Variants in XKR6 observed in about 807,000 individuals in gnomAD.
The protein encoded by XKR6 is XK related 6.
In XKR6, 22 loss-of-function variants were observed where a neutral mutation model predicts 56.7. That is an observed-to-expected ratio of 0.39 (90% CI 0.28 to 0.55). The LOEUF is 0.55. Among genes scored for constraint, XKR6 ranks in the 20% least tolerant of loss-of-function variants. The pLI is 0.66. For synonymous variants in XKR6, 524 were observed against 387.8 expected (o/e 1.35, Z -4.13); for missense variants, 852 against 889.0 (o/e 0.96, Z 0.53).
chr8:11,191,823 T>C (rs574324340), intron 1 of XKR6, among the ~76,000 whole-genome samples: 35 of 152,098 alleles, frequency 2.3e-4, no homozygotes, highest in African/African-American at 8.4e-4. Context: ...TGGGGACAAC[T>C]AGGCAAATCT....
intron 1 of XKR6, among the ~76,000 whole-genome samples, chr8:10,953,380 G>C (rs753505894): frequency 1.2e-4 from 18 of 152,132 alleles, no homozygotes; most frequent in Non-Finnish European, 2.4e-4. Context: ...CATCTGAGAT[G>C]CCTGCTCCCC....
chr8:11,127,562 G>A (rs1015193431), intron 1 of XKR6, among the ~76,000 whole-genome samples: 2 of 152,106 alleles, frequency 1.3e-5, no homozygotes, highest in African/African-American at 4.8e-5. Context: ...TATATTCATT[G>A]GCTTGTGGCC....
intron 1 of XKR6, among the ~76,000 whole-genome samples, chr8:10,951,330 G>T (rs1801718435): frequency 7.3e-6 from 1 of 137,030 alleles, no homozygotes; most frequent in Non-Finnish European, 1.6e-5. Flanking sequence ...TGGTGACAGG[G>T]GAACGCACAC....
chr8:11,171,530 T>A (rs4840551), intron 1 of XKR6, among the ~76,000 whole-genome samples: 1 of 151,718 alleles, frequency 6.6e-6, no homozygotes, highest in African/African-American at 2.4e-5. Flanking sequence ...TATAGGGAGT[T>A]AATTCTTACT....
intron 1 of XKR6, among the ~76,000 whole-genome samples, chr8:11,030,518 C>T (rs1048251351): frequency 9.2e-5 from 14 of 152,118 alleles, no homozygotes; most frequent in Admixed American, 4.6e-4. Context: ...AGTGACAACC[C>T]GCAGCAAAAC....
intron 1 of XKR6, among the ~76,000 whole-genome samples, chr8:10,979,224 C>G (rs1797668836): frequency 6.6e-6 from 1 of 152,028 alleles, no homozygotes; most frequent in Non-Finnish European, 1.5e-5. Flanking sequence ...CCTGGAAGGG[C>G]CAGGCCCACT....
At chr8:10,942,875 G>A (rs1394517599) in intron 1 of XKR6, among the ~76,000 whole-genome samples, 1 of 152,222 alleles carries the variant, frequency 6.6e-6, no homozygotes, top group African/African-American at 2.4e-5. Context: ...TCGCATTCTT[G>A]CCTGACGCAT....
intron 1 of XKR6, among the ~76,000 whole-genome samples, chr8:11,032,141 T>G (rs1343989486): frequency 1.3e-5 from 2 of 152,182 alleles, no homozygotes; most frequent in African/African-American, 4.8e-5. Flanking sequence ...AATCTTGCCT[T>G]TGCTCATCTA....
Position 10,898,372 on chromosome 8 carries a change from T to C in XKR6, c.1506A>G (p.Gly502=). 1 of 1,613,964 alleles carries C rather than the reference T, an allele frequency of 6.2e-7. No individual in the cohort carries two copies. Residue 502 remains glycine, a synonymous_variant, in exon 3 of 3, where the codon GGA becomes GGG. Transcript: ENST00000416569. The surrounding 1 kb of genome is among the most constrained non-coding windows in gnomAD (Gnocchi z 6.6). ...AGCTGGCAAGGATCTTAGCTCGTGGTCCTGTGGGATGCAGCACGCCATAGT... is the reference window on the plus strand; with the variant it reads ...AGCTGGCAAGGATCTTAGCTCGTGGCCCTGTGGGATGCAGCACGCCATAGT... ...LLYYGVLHPT[G]PRAKILASSC... is the part of the protein sequence containing the mutation.
intron 1 of XKR6, among the ~76,000 whole-genome samples, chr8:11,079,986 T>A (rs1205058270): frequency 6.6e-6 from 1 of 151,352 alleles, no homozygotes; most frequent in African/African-American, 2.4e-5. Flanking sequence ...AATAAATAAA[T>A]ACATAAATAC....
At position 11,198,528 on chromosome 8, in the gene XKR6, A is replaced by C. The variant is rs80021908; in HGVS notation, c.764+2048T>G. 3.3e-5 allele frequency among the ~76,000 whole-genome samples: 5 copies of C among 150,380 alleles called. No individual in the cohort carries two copies. In the East Asian group the frequency reaches 9.6e-4, roughly 29 times the overall value. On this transcript the variant is annotated intron_variant, in intron 1 of 2. Coordinates refer to ENST00000416569, the MANE Select transcript of XKR6 (RefSeq NM_173683.4). ...AAAGTTAAGATCAGAAAAAAAAAAA[A>C]TACTACCCTACATACAACTACAAAA...
intron 1 of XKR6, among the ~76,000 whole-genome samples, chr8:10,955,727 T>C (rs1396409205): frequency 1.3e-5 from 2 of 152,160 alleles, no homozygotes; most frequent in African/African-American, 4.8e-5. Flanking sequence ...AACATGGGAA[T>C]GAGCTAGCCT....
At chr8:10,979,502 C>T (rs920951078) in intron 1 of XKR6, among the ~76,000 whole-genome samples, 1 of 152,104 alleles carries the variant, frequency 6.6e-6, no homozygotes, top group Non-Finnish European at 1.5e-5. Flanking sequence ...TTCACAGTCT[C>T]TCCTCCGGTC....
intron 1 of XKR6, among the ~76,000 whole-genome samples, chr8:10,935,001 A>G (rs1801171439): frequency 1.1e-5 from 1 of 94,216 alleles, no homozygotes; most frequent in South Asian, 3.5e-4. Context: ...TACCTCTGGT[A>G]GAATTCGGCT....
At chr8:10,999,176 C>A (rs1019617071) in intron 1 of XKR6, among the ~76,000 whole-genome samples, 3 of 152,224 alleles carry the variant, frequency 2.0e-5, no homozygotes, top group African/African-American at 4.8e-5. Context: ...TAAGGACCCA[C>A]TATGTGTGTG....
intron 1 of XKR6, among the ~76,000 whole-genome samples, chr8:11,146,751 G>C (rs1801006173): frequency 6.6e-6 from 1 of 151,360 alleles, no homozygotes; most frequent in African/African-American, 2.4e-5. Context: ...AACAAATAAA[G>C]AAAGTGTGGT....
chr8:10,972,618 A>G (rs1802440445), intron 1 of XKR6, among the ~76,000 whole-genome samples: 1 of 152,232 alleles, frequency 6.6e-6, no homozygotes, highest in Non-Finnish European at 1.5e-5. Flanking sequence ...TCACAAAAGG[A>G]CGAATACTGT....
At chr8:11,102,460 GCT>G (rs1346196491) in intron 1 of XKR6, among the ~76,000 whole-genome samples, 1 of 152,142 alleles carries the variant, frequency 6.6e-6, no homozygotes, top group African/African-American at 2.4e-5. Context: ...CTACCGAATA[GCT>G]CTCTGAGAAG....
At chr8:11,135,254 C>T (rs1027142755) in intron 1 of XKR6, among the ~76,000 whole-genome samples, 3 of 152,138 alleles carry the variant, frequency 2.0e-5, no homozygotes, top group African/African-American at 7.2e-5. Flanking sequence ...TGGTCTTGAT[C>T]TCCTGACCTC....
Sources: allele counts gnomAD v4.1 joint callset (sites outside exome capture counted in the v4.1 genomes callset), GRCh38; gene constraint gnomAD v4.1.1; non-coding constraint Gnocchi (gnomAD v3.1); transcripts MANE v1.5; gene names NCBI Gene and HGNC (gene_info 2026-07-23, HGNC 2026-07-21).